Variants in ZSCAN5A observed in about 807,000 individuals in gnomAD.
ZSCAN5A encodes the protein zinc finger and SCAN domain-containing protein 5A.
In ZSCAN5A, 12 loss-of-function variants were observed where a neutral mutation model predicts 23.7. The observed-to-expected ratio is 0.51, with a 90% confidence interval of 0.32 to 0.82. ZSCAN5A has a LOEUF of 0.82. Ranked by LOEUF, ZSCAN5A falls within the 40% of genes least tolerant of loss-of-function variation. The pLI is 0.03. For missense variants in ZSCAN5A, 597 were observed against 617.9 expected, an observed-to-expected ratio of 0.97 and a Z score of 0.36; for synonymous variants, 257 against 239.9, an observed-to-expected ratio of 1.07 and a Z score of -0.66.
intron 2 of ZSCAN5A, chr19:56,286,561 A>G (rs1192650773): frequency 1.3e-5 from 2 of 152,236 alleles, no homozygotes; most frequent in African/African-American, 4.8e-5. Flanking sequence ...GAAGATAAAT[A>G]TCATGAAAAC....
rs2040438673 is a variant in ZSCAN5A at position 56,302,865 on chromosome 19, G to A, written c.-128+10418C>T. The A allele has an allele frequency of 3.0e-5, 12 of 398,596 alleles. No individual in the cohort carries two copies. The East Asian group carries it at 4.3e-4, about 14-fold the overall frequency. The allele number at this position is 398,596 out of a possible 1,614,324, so 24.7% of individuals were successfully genotyped here. On this transcript the variant is annotated intron_variant, in intron 2 of 5. Coordinates refer to ENST00000683990, the MANE Select transcript of ZSCAN5A (RefSeq NM_001322064.3). ...AGGGACGTTCATAAGGACCAAGCCT[G>A]TTGCTGGTTGCTGGGGACTCTGATG... is the stretch of plus-strand genomic sequence containing the variant.
At chr19:56,283,128 T>C (rs1431531488) in intron 2 of ZSCAN5A, 3 of 152,232 alleles carry the variant, frequency 2.0e-5, no homozygotes, top group Non-Finnish European at 4.4e-5. Context: ...CAAGGTTAAG[T>C]GAACTTACGG....
intron 2 of ZSCAN5A, among the ~76,000 whole-genome samples, chr19:56,311,279 T>C (rs768982808): frequency 1.3e-5 from 2 of 152,208 alleles, no homozygotes; most frequent in Non-Finnish European, 2.9e-5. Flanking sequence ...TTGTTGTTGC[T>C]CTTATTAACA....
rs758159159 is a variant in ZSCAN5A at position 56,224,975 on chromosome 19, C to G, written c.72G>C (p.Arg24=). Residue 24 remains arginine, a synonymous_variant, in exon 3 of 6, where the codon CGG becomes CGC. Coordinates refer to ENST00000683990, the MANE Select transcript of ZSCAN5A (RefSeq NM_001322064.3). ...SCNRPGLELP[R]SMASSETQLG... ...GTTGAGTTTCTGAGGATGCCATAGA[C>G]CGTGGCAGCTCCAACCCAGGTCTGT... is the stretch of plus-strand genomic sequence containing the variant. 1 of 1,614,038 alleles carries G rather than the reference C, an allele frequency of 6.2e-7. No homozygotes were observed.
chr19:56,242,942 C>G (rs1240539203), intron 2 of ZSCAN5A, among the ~76,000 whole-genome samples: 5 of 151,988 alleles, frequency 3.3e-5, no homozygotes, highest in Admixed American at 2.6e-4. Flanking sequence ...CCATGCCCGG[C>G]TAATTTTTGT....
chr19:56,303,133 G>C (rs960060675), intron 2 of ZSCAN5A: 15 of 372,982 alleles, frequency 4.0e-5, no homozygotes, highest in African/African-American at 2.9e-4. Context: ...AAGCATTCCA[G>C]AGAAACACCA....
chr19:56,328,947 A>G (rs1331980664), intron 2 of ZSCAN5A, among the ~76,000 whole-genome samples: 1 of 150,428 alleles, frequency 6.6e-6, no homozygotes, highest in Non-Finnish European at 1.5e-5. Context: ...GTGAGCCGAG[A>G]TGGCGCCACT....
At chr19:56,320,265 C>T (rs746107131) in intron 2 of ZSCAN5A, 24 of 480,776 alleles carry the variant, frequency 5.0e-5, no homozygotes, top group East Asian at 1.9e-4. Context: ...CTCTGCTGCC[C>T]GGACATTTAG....
chr19:56,306,343 T>C (rs1467302440), intron 2 of ZSCAN5A, among the ~76,000 whole-genome samples: 2 of 120,960 alleles, frequency 1.7e-5, no homozygotes, highest in Admixed American at 8.3e-5. Context: ...TTCTCTTCCC[T>C]TGATAGCTAC....
chr19:56,364,583 C>A (rs528402605), intron 1 of ZSCAN5A, among the ~76,000 whole-genome samples: 1 of 152,302 alleles, frequency 6.6e-6, no homozygotes, highest in East Asian at 1.9e-4. Flanking sequence ...TATCCCATGA[C>A]CCTACCTCTA....
intron 2 of ZSCAN5A, among the ~76,000 whole-genome samples, chr19:56,309,775 C>A (rs117797618): frequency 6.6e-6 from 1 of 152,204 alleles, no homozygotes; most frequent in African/African-American, 2.4e-5. Flanking sequence ...AGCTCAGGCC[C>A]GGCGCCGGGA....
chr19:56,327,747 A>G (rs1371796757), intron 2 of ZSCAN5A, among the ~76,000 whole-genome samples: 3 of 151,598 alleles, frequency 2.0e-5, no homozygotes, highest in African/African-American at 7.3e-5. Context: ...ACATCTACTA[A>G]TATATGTAAT....
chr19:56,263,081 G>T, intron 2 of ZSCAN5A: 1 of 152,270 alleles, frequency 6.6e-6, no homozygotes. Flanking sequence ...TGATGCCTTG[G>T]GACTAGGCAG....
chr19:56,247,837 G>T (rs1245884448), intron 2 of ZSCAN5A, among the ~76,000 whole-genome samples: 1 of 152,038 alleles, frequency 6.6e-6, no homozygotes, highest in East Asian at 1.9e-4. Context: ...GACTACAGGC[G>T]CCTGCCACCA....
In ZSCAN5A at chr19:56,302,060, A is replaced by G. The variant is rs139969841; in HGVS notation, c.-128+11223T>C. 4.1e-6 allele frequency: 5 copies of G among 1,231,716 alleles called. No homozygotes were observed. The African/African-American group carries it at 4.7e-5, about 11-fold the overall frequency. The allele number at this position is 1,231,716 out of a possible 1,614,324, so 76.3% of individuals were successfully genotyped here. On this transcript the variant is annotated intron_variant, in intron 2 of 5. Coordinates refer to ENST00000683990, the MANE Select transcript of ZSCAN5A (RefSeq NM_001322064.3). ...CCTGAAATGCGCCTACATGGTGATG[A>G]CCTACCTCTTCGTATCCTACAACAA...
intron 2 of ZSCAN5A, chr19:56,246,700 T>A (rs778141177): frequency 1.9e-6 from 2 of 1,059,386 alleles, no homozygotes; most frequent in African/African-American, 3.2e-5. Context: ...TGTACCTTAT[T>A]AACTGTTGTG....
intron 2 of ZSCAN5A, among the ~76,000 whole-genome samples, chr19:56,335,217 CTGAAA>C (rs2041523763): frequency 6.7e-6 from 1 of 149,244 alleles, no homozygotes; most frequent in East Asian, 2.0e-4. Flanking sequence ...GACTGCCTTT[CTGAAA>C]TAAGATAGGT....
chr19:56,307,358 G>A (rs1243562892), intron 2 of ZSCAN5A, among the ~76,000 whole-genome samples: 1 of 152,098 alleles, frequency 6.6e-6, no homozygotes, highest in Non-Finnish European at 1.5e-5. Context: ...CACCAACTAT[G>A]ATGAGTGTCT....
chr19:56,346,930 C>T (rs1432733333), intron 2 of ZSCAN5A, among the ~76,000 whole-genome samples: 1 of 152,024 alleles, frequency 6.6e-6, no homozygotes, highest in African/African-American at 2.4e-5. Flanking sequence ...GGTTTCACCG[C>T]GTTAGCCAGG....
Sources: allele counts gnomAD v4.1 joint callset (sites outside exome capture counted in the v4.1 genomes callset), GRCh38; gene constraint gnomAD v4.1.1; transcripts MANE v1.5; gene names NCBI Gene and HGNC (gene_info 2026-07-23, HGNC 2026-07-21).